RNASEH2B: variants seen among roughly 807,000 people sequenced by gnomAD.
RNASEH2B encodes the protein ribonuclease H2 subunit B, also known as Aicardi-Goutieres syndrome 2 protein.
In RNASEH2B, 36 loss-of-function variants were observed where a neutral mutation model predicts 45.0. That is an observed-to-expected ratio of 0.80 (90% CI 0.61 to 1.06). The LOEUF is 1.06. Ranked by LOEUF, RNASEH2B falls within the 50% of genes least tolerant of loss-of-function variation. The pLI is 0.00. For missense variants in RNASEH2B, 361 were observed against 360.3 expected, an observed-to-expected ratio of 1.00 and a Z score of -0.02; for synonymous variants, 119 against 125.7, an observed-to-expected ratio of 0.95 and a Z score of 0.35.
In RNASEH2B at chr13:50,940,990, A is replaced by G. The variant is rs1200165055; in HGVS notation, c.437-2331A>G. 5.3e-5 allele frequency: 8 copies of G among 152,182 alleles called. No homozygotes were observed. The East Asian group carries it at 1.2e-3, about 22-fold the overall frequency. 9.4% of individuals were successfully genotyped at this position (152,182 alleles called of 1,614,324 possible). On this transcript the variant is annotated intron_variant, in intron 5 of 10. Coordinates refer to ENST00000336617, the MANE Select transcript of RNASEH2B (RefSeq NM_024570.4). ...CTTCCTCAGTGACTTAGGAGAGTTT[A>G]CTTCATGTCACTCAGAGCCAGTCTT... is the stretch of plus-strand genomic sequence containing the variant.
rs1193992607 is a variant in RNASEH2B at position 50,948,018 on chromosome 13, A to G, written c.648A>G (p.Ile216Met). 1 of 1,611,038 alleles carries G rather than the reference A, an allele frequency of 6.2e-7. No individual in the cohort carries two copies. Among genetic ancestry groups the G allele is most frequent in the Non-Finnish European group, 8.5e-7 (1 of 1,179,196 alleles). Residue 216 changes from isoleucine to methionine, a missense_variant, in exon 8 of 11, where the codon ATA becomes ATG. Coordinates refer to ENST00000336617, the MANE Select transcript of RNASEH2B (RefSeq NM_024570.4). ...EDYIRYAHGL[I>M]SDYIPKELSD... is the part of the protein sequence containing the mutation. ...ATATTCGTTATGCCCATGGTCTGATATCTGACTACATCCCTAAAGAATTAA... is the reference window on the plus strand; with the variant it reads ...ATATTCGTTATGCCCATGGTCTGATGTCTGACTACATCCCTAAAGAATTAA...
intron 1 of RNASEH2B, chr13:50,910,350 T>C: frequency 5.0e-6 from 2 of 398,936 alleles, no homozygotes; most frequent in Non-Finnish European, 8.8e-6. Flanking sequence ...GGACCGAGCG[T>C]GTTTCCCGGG....
At chr13:50,942,642 A>C (rs1258527539) in intron 5 of RNASEH2B, 1 of 152,304 alleles carries the variant, frequency 6.6e-6, no homozygotes, top group Admixed American at 6.5e-5. Context: ...ATGTGAACAC[A>C]AAATATCTGA....
chr13:50,923,007 C>T (rs116473551), intron 1 of RNASEH2B, among the ~76,000 whole-genome samples: 48 of 152,232 alleles, frequency 3.2e-4, no homozygotes, highest in African/African-American at 1.1e-3. Context: ...GATCTAAAGT[C>T]TGGATTTGAA....
chr13:50,937,481 C>G (rs2137961614), intron 5 of RNASEH2B: 1 of 152,238 alleles, frequency 6.6e-6, no homozygotes, highest in Non-Finnish European at 1.5e-5. Context: ...CCCGCCTCAG[C>G]CTCCTAAAGT....
At position 50,930,772 on chromosome 13, in the gene RNASEH2B, C is replaced by T. The variant is rs758688261; in HGVS notation, c.321+13C>T. 7.6e-6 allele frequency: 12 copies of T among 1,588,930 alleles called. No individual in the cohort carries two copies. Among genetic ancestry groups the T allele is most frequent in the Middle Eastern group, 1.7e-4 (1 of 6,030 alleles). On this transcript the variant is annotated intron_variant, in intron 4 of 10. Coordinates refer to ENST00000336617, the MANE Select transcript of RNASEH2B (RefSeq NM_024570.4). Reference sequence around the variant, plus strand: ...GGCTGATAAGGAGGTGAGTTTCCAGCTCGGAGCATCCACAGTGAGGAAACA... The same window carrying T: ...GGCTGATAAGGAGGTGAGTTTCCAGTTCGGAGCATCCACAGTGAGGAAACA...
intron 9 of RNASEH2B, among the ~76,000 whole-genome samples, chr13:50,968,185 G>T (rs1447549722): frequency 6.6e-6 from 1 of 151,996 alleles, no homozygotes; most frequent in Non-Finnish European, 1.5e-5. Context: ...GGAAGCTGAG[G>T]CCAGAAGTTT....
downstream of RNASEH2B, chr13:50,960,192 A>G: frequency 2.0e-6 from 2 of 1,024,024 alleles, no homozygotes; most frequent in Non-Finnish European, 2.5e-6. Flanking sequence ...ATATTTTTAT[A>G]TATTTATCTT....
intron 9 of RNASEH2B, chr13:50,969,829 G>T: frequency 8.4e-7 from 1 of 1,183,532 alleles, no homozygotes. Flanking sequence ...GACTAAACCC[G>T]CCAGCCCTGC....
chr13:50,924,588 TCA>T (rs1491019486), intron 1 of RNASEH2B, among the ~76,000 whole-genome samples: 1 of 152,136 alleles, frequency 6.6e-6, no homozygotes, highest in Non-Finnish European at 1.5e-5. Flanking sequence ...AGAAAGAGTC[TCA>T]GTCTGTCACC....
intron 1 of RNASEH2B, among the ~76,000 whole-genome samples, chr13:50,917,795 C>T (rs1879826020): frequency 6.6e-6 from 1 of 152,178 alleles, no homozygotes; most frequent in South Asian, 2.1e-4. Flanking sequence ...CCAGGAAAGG[C>T]TGGTCTCAAA....
rs1451904271 is a variant in RNASEH2B at position 50,910,163 on chromosome 13, C to T, written c.64+23C>T. ...CAGGTAAACACGCGCGCCCGGGCGG[C>T]GGGGTCGGCCCAAGAACTGGCGGAG... On this transcript the variant is annotated intron_variant, in intron 1 of 10. Coordinates refer to ENST00000336617, the MANE Select transcript of RNASEH2B (RefSeq NM_024570.4). 5.9e-6 allele frequency: 8 copies of T among 1,365,416 alleles called. No homozygotes were observed. In the African/African-American group the frequency reaches 6.2e-5, roughly 11 times the overall value. 84.6% of individuals were successfully genotyped at this position (1,365,416 alleles called of 1,614,324 possible).
intron 5 of RNASEH2B, chr13:50,937,388 A>T (rs1210012433): frequency 6.6e-6 from 1 of 151,770 alleles, no homozygotes; most frequent in Non-Finnish European, 1.5e-5. Flanking sequence ...CACCTGGCTA[A>T]TTTTTTCATT....
At chr13:50,969,741 C>T (rs752693596) in intron 9 of RNASEH2B, among the ~76,000 whole-genome samples, 2 of 152,008 alleles carry the variant, frequency 1.3e-5, no homozygotes, top group African/African-American at 4.8e-5. Flanking sequence ...AATGAGATCT[C>T]GGAGGCTGGC....
chr13:50,963,915 C>T (rs945562217), intron 9 of RNASEH2B, among the ~76,000 whole-genome samples: 13 of 151,908 alleles, frequency 8.6e-5, no homozygotes, highest in African/African-American at 2.7e-4. Context: ...GTAAGAGTCC[C>T]GGCCGGGTGC....
intron 4 of RNASEH2B, chr13:50,934,017 G>A (rs1488881540): frequency 1.3e-5 from 2 of 152,226 alleles, no homozygotes; most frequent in Admixed American, 6.5e-5. Context: ...AAATTGATCA[G>A]ATGCAGTTTT....
At chr13:50,961,403 A>T (rs1014195380), downstream of RNASEH2B, among the ~76,000 whole-genome samples, 2 of 151,940 alleles carry the variant, frequency 1.3e-5, no homozygotes, top group Admixed American at 1.3e-4. Flanking sequence ...GGATTTATAG[A>T]TTTTTATTTT....
chr13:50,933,053 C>T (rs969489885), intron 4 of RNASEH2B, among the ~76,000 whole-genome samples: 1 of 152,194 alleles, frequency 6.6e-6, no homozygotes, highest in Non-Finnish European at 1.5e-5. Context: ...GCTGGTAAGC[C>T]TCGTGTCTTT....
intron 4 of RNASEH2B, chr13:50,934,270 A>G (rs1951717264): frequency 6.5e-6 from 1 of 154,040 alleles, no homozygotes; most frequent in East Asian, 1.9e-4. Flanking sequence ...CAGGCCATAT[A>G]AACTTCTGTG....
Sources: allele counts gnomAD v4.1 joint callset (sites outside exome capture counted in the v4.1 genomes callset), GRCh38; gene constraint gnomAD v4.1.1; transcripts MANE v1.5; gene names NCBI Gene and HGNC (gene_info 2026-07-23, HGNC 2026-07-21).